ACP6: variants seen among roughly 807,000 people sequenced by gnomAD.
ACP6 encodes the protein lysophosphatidic acid phosphatase type 6.
Under a neutral mutation model 48.1 loss-of-function variants are expected in ACP6, and 48 were observed. The observed-to-expected ratio is 1.00, with a 90% CI of 0.79 to 1.27. ACP6 has a LOEUF of 1.27. Ranked by LOEUF, ACP6 falls within the 50% of genes most tolerant of loss-of-function variation. ACP6 has a pLI of 0.00. For synonymous variants in ACP6, 172 were observed against 204.2 expected (o/e 0.84, Z 1.34); for missense variants, 485 against 529.1 (o/e 0.92, Z 0.82).
intron 9 of ACP6, 45 bp from the exon 10 acceptor site, chr1:147,647,611 C>T (rs368603919): frequency 2.1e-5 from 33 of 1,590,468 alleles, no homozygotes; most frequent in Non-Finnish European, 2.6e-5. Flanking sequence ...GGAACCTGTC[C>T]TTCTGCTATT....
intron 5 of ACP6, among the ~76,000 whole-genome samples, chr1:147,633,045 T>C (rs1194679016): frequency 6.6e-6 from 1 of 152,204 alleles, no homozygotes; most frequent in Non-Finnish European, 1.5e-5. Context: ...TAAGTATCCC[T>C]GACAGGTGGC....
downstream of ACP6, among the ~76,000 whole-genome samples, chr1:147,641,669 T>C (rs1306025108): frequency 6.6e-6 from 1 of 152,200 alleles, no homozygotes; most frequent in Non-Finnish European, 1.5e-5. Context: ...GAAGAGCTTT[T>C]CACACCCTAT....
chr1:147,648,171 T>G (rs1377414926), intron 9 of ACP6, 75 bp downstream of exon 9: 1 of 1,550,602 alleles, frequency 6.4e-7, no homozygotes, highest in Non-Finnish European at 8.8e-7. Context: ...GGAGGGAGAC[T>G]TGGTGCTAAC....
intron 5 of ACP6, among the ~76,000 whole-genome samples, chr1:147,635,286 G>A (rs1456300543): frequency 6.6e-6 from 1 of 152,172 alleles, no homozygotes; most frequent in Non-Finnish European, 1.5e-5. Context: ...TCAACCAGGT[G>A]CTGTCCTCAC....
chr1:147,633,521 A>C lies in ACP6; in HGVS notation c.461-2456T>G, dbSNP rs1553207638. 4.3e-5 allele frequency among the ~76,000 whole-genome samples: 3 copies of C among 69,904 alleles called. No homozygotes were observed. The South Asian group carries it at 1.4e-3, about 32-fold the overall frequency. 45.9% of individuals were successfully genotyped at this position (69,904 alleles called of 152,430 possible). A position where few individuals can be genotyped will look rare whatever the true frequency, so the allele number is the denominator to read the frequency against. On this transcript the variant is annotated intron_variant, in intron 5 of 5. Coordinates refer to the ACP6 transcript ENST00000609196. ...GGCAAAAGTTTCTTTTTTTTTTTTT[A>C]ACTGCTATGGAGTTATATTGGAATT...
chr1:147,652,498 C>A lies in ACP6; in HGVS notation c.832G>T (p.Glu278Ter). The change falls in exon 7 of 10, where the codon GAA becomes TAA. Residue 278 changes from glutamate (E) to a stop codon, truncating the protein, a stop_gained. Transcript: ENST00000583509. LOFTEE classifies it high-confidence loss of function. ...AAGGATGTGTCCACAGCTCTCTGTT[C>A]GATCATCCTTGCAAATCTCTTCAGC... ...PMLKRFARMI[E>*]QRAVDTSLYI... is the part of the protein sequence containing the mutation. 1 of 1,614,028 alleles carries A rather than the reference C, an allele frequency of 6.2e-7. No individual in the cohort carries two copies.
Position 147,645,702 on chromosome 1 carries a change from T to C in ACP6, c.*1721A>G, listed in dbSNP as rs1659598144. On this transcript the variant is annotated 3_prime_UTR_variant, in exon 10 of 10. Transcript: ENST00000583509. ...GGAGTGGTGGGGGTGAATACTTAAT[T>C]GTAGCTGGTTCATGAGAGAACTGGA... 6.6e-6 allele frequency: 1 copy of C among 152,158 alleles called. No individual in the cohort carries two copies. Among genetic ancestry groups the C allele is most frequent in the Non-Finnish European group, 1.5e-5 (1 of 68,032 alleles). The allele number at this position is 152,158 out of a possible 1,614,324, so 9.4% of individuals were successfully genotyped here. A position where few individuals can be genotyped will look rare whatever the true frequency, so the allele number is the denominator to read the frequency against.
At chr1:147,659,878 A>T in intron 1 of ACP6, 103 bp from the exon 2 acceptor site, 1 of 1,390,788 alleles carries the variant, frequency 7.2e-7, no homozygotes, top group Non-Finnish European at 9.7e-7. Flanking sequence ...AATCACTGAC[A>T]CTAGGCCTGC....
At chr1:147,663,606 T>C (rs1295325687) in intron 1 of ACP6, among the ~76,000 whole-genome samples, 1 of 151,246 alleles carries the variant, frequency 6.6e-6, no homozygotes, top group Non-Finnish European at 1.5e-5. Flanking sequence ...AGGCCAGGAG[T>C]TCAAGATCAG....
intron 1 of ACP6, among the ~76,000 whole-genome samples, chr1:147,662,206 T>C (rs897642517): frequency 5.9e-5 from 9 of 152,230 alleles, no homozygotes; most frequent in Admixed American, 1.3e-4. Context: ...AAGGCGCTAA[T>C]GGAGATGTAC....
intron 5 of ACP6, 21 bp downstream of exon 5, chr1:147,655,140 C>T: frequency 6.3e-7 from 1 of 1,579,360 alleles, no homozygotes. Context: ...AACTGGTGAG[C>T]AAGAACCCAG....
At chr1:147,664,512 G>C (rs2148916088) in intron 1 of ACP6, among the ~76,000 whole-genome samples, 1 of 152,290 alleles carries the variant, frequency 6.6e-6, no homozygotes, top group Non-Finnish European at 1.5e-5. Context: ...AGTAGCTTCA[G>C]TGGCTCTCTT....
At chr1:147,661,453 A>G (rs949605529) in intron 1 of ACP6, among the ~76,000 whole-genome samples, 1 of 152,086 alleles carries the variant, frequency 6.6e-6, no homozygotes, top group Non-Finnish European at 1.5e-5. Context: ...TAATCAATAA[A>G]TGTTGTGTGT....
At chr1:147,629,903 T>TTAACA (rs782515786) in exon 6 of ACP6, 43 of 152,368 alleles carry the variant, frequency 2.8e-4, no homozygotes, top group Middle Eastern at 3.4e-3. Context: ...GTTAACTTTC[T>TTAACA]GTCTCAGTGC....
chr1:147,654,569 T>C (rs1360428168), intron 5 of ACP6, among the ~76,000 whole-genome samples: 1 of 152,230 alleles, frequency 6.6e-6, no homozygotes, highest in Non-Finnish European at 1.5e-5. Context: ...AATCTCACTC[T>C]AGCATTTGCA....
intron 1 of ACP6, 106 bp downstream of exon 1, chr1:147,669,724 G>A (rs1660985239): frequency 8.1e-7 from 1 of 1,238,854 alleles, no homozygotes; most frequent in African/African-American, 1.5e-5. Flanking sequence ...CCCAACCCGA[G>A]CCCCGCTCCG....
chr1:147,664,279 C>T lies in ACP6; in HGVS notation c.220-4504G>A, dbSNP rs1660692007. ...TCGAGGGTTCATGGCTCATGTGGCC[C>T]CACCTCCTCTCTAGCAGCCCCCTTA... On this transcript the variant is annotated intron_variant, in intron 1 of 9. Transcript: ENST00000583509. Among the ~76,000 whole-genome samples, 3 of 152,288 alleles carry T rather than the reference C, an allele frequency of 2.0e-5. No homozygotes were observed. In the South Asian group the frequency reaches 6.2e-4, roughly 32 times the overall value.
intron 5 of ACP6, among the ~76,000 whole-genome samples, chr1:147,634,303 T>G (rs1659244204): frequency 6.6e-6 from 1 of 152,138 alleles, no homozygotes; most frequent in Non-Finnish European, 1.5e-5. Flanking sequence ...GGATTTTTGG[T>G]GGTGGTTGTG....
chr1:147,659,794 C>A lies in ACP6; in HGVS notation c.220-19G>T. On this transcript the variant is annotated intron_variant, in intron 1 of 9. Coordinates refer to ENST00000583509, the MANE Select transcript of ACP6 (RefSeq NM_016361.5). ...ACTCTACCTGTTAGTACAAAAAAAA[C>A]ACACCACATTGTTTAAAAATGGTTC... is the stretch of plus-strand genomic sequence containing the variant. 1.9e-6 allele frequency: 3 copies of A among 1,611,330 alleles called. 1 individual carries two copies. The South Asian group carries it at 3.3e-5, about 18-fold the overall frequency.
Sources: allele counts gnomAD v4.1 joint callset (sites outside exome capture counted in the v4.1 genomes callset), GRCh38; gene constraint gnomAD v4.1.1; transcripts MANE v1.5; gene names NCBI Gene and HGNC (gene_info 2026-07-23, HGNC 2026-07-21).